Variants in LY96 observed in about 807,000 individuals in gnomAD.
LY96 encodes the protein lymphocyte antigen 96, also known as myeloid differentiation protein-2.
In LY96, 18 loss-of-function variants were observed where a neutral mutation model predicts 18.9. The ratio of observed to expected loss-of-function variants is 0.95; its 90% CI spans 0.66 to 1.41. The LOEUF is 1.41. LY96 is among the 40% of genes most tolerant of loss of function. The pLI is 0.00. For synonymous variants in LY96, 66 were observed against 62.6 expected, an observed-to-expected ratio of 1.06 and a Z score of -0.26; for missense variants, 175 against 182.4, an observed-to-expected ratio of 0.96 and a Z score of 0.23.
At chr8:74,068,085 A>T in the LY96 span, among the ~76,000 whole-genome samples, 2,628 of 95,100 alleles carry the variant, frequency 0.028, 284 homozygotes, top group African/African-American at 0.13. Context: ...AAAAAAAAAA[A>T]AAAAATATAT....
At chr8:74,063,974 C>G in the LY96 span, among the ~76,000 whole-genome samples, 1 of 152,098 alleles carries the variant, frequency 6.6e-6, no homozygotes, top group African/African-American at 2.4e-5. Context: ...TTGGTTGGTA[C>G]TGCTAACATA....
At chr8:74,089,019 G>A in the LY96 span, among the ~76,000 whole-genome samples, 164 of 152,326 alleles carry the variant, frequency 1.1e-3, no homozygotes, top group African/African-American at 3.6e-3. Context: ...GTGAGAGGGG[G>A]AGATGGGGTG....
At chr8:74,048,186 C>T in the LY96 span, among the ~76,000 whole-genome samples, 1 of 152,188 alleles carries the variant, frequency 6.6e-6, no homozygotes, top group Non-Finnish European at 1.5e-5. Flanking sequence ...GTCCTCAAAG[C>T]CTGGCATCAG....
At chr8:74,056,460 G>T in the LY96 span, 2 of 187,206 alleles carry the variant, frequency 1.1e-5, no homozygotes, top group South Asian at 9.1e-5. Flanking sequence ...AGCCTTGCCA[G>T]TCTAGTTACC....
chr8:74,060,616 C>G, the LY96 span, among the ~76,000 whole-genome samples: 2 of 152,200 alleles, frequency 1.3e-5, no homozygotes. Flanking sequence ...AATGAATAAA[C>G]CTGAGTCCCT....
chr8:74,058,625 T>C, the LY96 span, among the ~76,000 whole-genome samples: 1 of 151,882 alleles, frequency 6.6e-6, no homozygotes, highest in Non-Finnish European at 1.5e-5. Flanking sequence ...TTTCTAGCGA[T>C]TCTCCTGCCT....
the LY96 span, among the ~76,000 whole-genome samples, chr8:74,068,083 AAAAAAAAT>A: frequency 1.0e-5 from 1 of 95,820 alleles, no homozygotes. Flanking sequence ...AAAAAAAAAA[AAAAAAAAT>A]ATATATATAT....
At chr8:74,003,581 T>C (rs1306657658) in intron 1 of LY96, among the ~76,000 whole-genome samples, 1 of 152,206 alleles carries the variant, frequency 6.6e-6, no homozygotes, top group African/African-American at 2.4e-5. Context: ...TTCGCTGTAC[T>C]TCTTAGGTAA....
the LY96 span, among the ~76,000 whole-genome samples, chr8:74,087,473 G>A: frequency 3.3e-5 from 5 of 152,232 alleles, no homozygotes; most frequent in South Asian, 2.1e-4. Context: ...AAACAAAGCC[G>A]TCAGCACTCA....
chr8:74,016,681 A>G (rs907836097), intron 3 of LY96, among the ~76,000 whole-genome samples: 1 of 152,212 alleles, frequency 6.6e-6, no homozygotes, highest in Non-Finnish European at 1.5e-5. Flanking sequence ...ATCAGGCAGC[A>G]ATATTTGCTG....
At chr8:74,062,842 T>C in the LY96 span, among the ~76,000 whole-genome samples, 6 of 152,214 alleles carry the variant, frequency 3.9e-5, no homozygotes, top group Admixed American at 3.9e-4. Flanking sequence ...AGCTAGAATT[T>C]GAATTTGGAC....
chr8:74,091,405 G>T, the LY96 span, among the ~76,000 whole-genome samples: 3 of 152,312 alleles, frequency 2.0e-5, no homozygotes, highest in South Asian at 6.2e-4. Flanking sequence ...TGTTAGGCCT[G>T]AAGAAGTGGA....
the LY96 span, among the ~76,000 whole-genome samples, chr8:74,086,947 T>A: frequency 6.6e-6 from 1 of 152,224 alleles, no homozygotes; most frequent in East Asian, 1.9e-4. Flanking sequence ...TTCTGTTGTT[T>A]ACAAGCCACC....
At chr8:74,058,532 T>TC in the LY96 span, among the ~76,000 whole-genome samples, 1 of 151,828 alleles carries the variant, frequency 6.6e-6, no homozygotes, top group Non-Finnish European at 1.5e-5. Flanking sequence ...TCTTTTTTTT[T>TC]TTTTTTGGAT....
the LY96 span, among the ~76,000 whole-genome samples, chr8:74,071,274 C>A: frequency 6.6e-6 from 1 of 150,614 alleles, no homozygotes; most frequent in Non-Finnish European, 1.5e-5. Context: ...TAGAAGCAAA[C>A]CTTTTGAAAT....
the LY96 span, among the ~76,000 whole-genome samples, chr8:74,039,729 C>G: frequency 0.24 from 36,198 of 152,050 alleles, 4,965 homozygotes; most frequent in African/African-American, 0.38. Flanking sequence ...TAAGAAAGAT[C>G]AAAAACTTTT....
At chr8:74,066,849 T>C in the LY96 span, among the ~76,000 whole-genome samples, 1 of 152,152 alleles carries the variant, frequency 6.6e-6, no homozygotes, top group East Asian at 1.9e-4. Flanking sequence ...AAAGATTTAT[T>C]TGGGAGTGCG....
At chr8:74,047,089 A>G in the LY96 span, among the ~76,000 whole-genome samples, 1 of 151,800 alleles carries the variant, frequency 6.6e-6, no homozygotes, top group Admixed American at 6.6e-5. Flanking sequence ...TTTAGTTGAG[A>G]CGGGGTTTCA....
At chr8:74,068,300 T>G in the LY96 span, among the ~76,000 whole-genome samples, 2 of 152,150 alleles carry the variant, frequency 1.3e-5, no homozygotes, top group Middle Eastern at 3.4e-3. Flanking sequence ...TCATGTTGTA[T>G]GTATTGGGAG....
Sources: gnomAD v4.1 joint callset for allele counts (sites outside exome capture counted in the v4.1 genomes callset) on GRCh38, gnomAD v4.1.1 for gene constraint, MANE v1.5 for transcripts, NCBI Gene and HGNC (gene_info 2026-07-23, HGNC 2026-07-21) for gene names.